STXBP5L: variants seen among roughly 807,000 people sequenced by gnomAD.
The protein encoded by STXBP5L is syntaxin-binding protein 5-like.
A neutral mutation model predicts 144.5 loss-of-function variants in STXBP5L; 65 were observed. That is an observed-to-expected ratio of 0.45 (90% CI 0.37 to 0.55). The LOEUF (loss-of-function observed/expected upper bound fraction) is 0.55. Ranked by LOEUF, STXBP5L falls within the 20% of genes least tolerant of loss-of-function variation. The pLI, the probability that STXBP5L is intolerant of heterozygous loss-of-function variation, is 0.00. For missense variants in STXBP5L, 1,298 were observed against 1,405.5 expected (o/e 0.92, Z 1.22); for synonymous variants, 505 against 469.6 (o/e 1.08, Z -0.97).
At chr3:121,043,638 G>A (rs1393375423) in intron 4 of STXBP5L, among the ~76,000 whole-genome samples, 1 of 152,158 alleles carries the variant, frequency 6.6e-6, no homozygotes, top group Non-Finnish European at 1.5e-5. Context: ...GAACTTGGGA[G>A]GCAGAGGTTG....
At chr3:121,216,083 T>C (rs2048767114) in intron 10 of STXBP5L, among the ~76,000 whole-genome samples, 1 of 152,218 alleles carries the variant, frequency 6.6e-6, no homozygotes, top group Non-Finnish European at 1.5e-5. Context: ...TTCTAGTTAG[T>C]AGTTCCTCTA....
Position 121,422,561 on chromosome 3 carries a change from G to A in STXBP5L, c.*3464G>A, listed in dbSNP as rs2047374002. On this transcript the variant is annotated 3_prime_UTR_variant, in exon 27 of 27. Coordinates refer to ENST00000471454, the MANE Select transcript of STXBP5L (RefSeq NM_001308330.2). ...GGGAGGAATGATTGATTCCTCATTT[G>A]TTTTAATCACCTACAAAAGCAGTAC... The A allele has an allele frequency of 6.6e-6, 1 of 152,084 alleles. No homozygotes were observed. Among genetic ancestry groups the A allele is most frequent in the Non-Finnish European group, 1.5e-5 (1 of 68,022 alleles). The allele number at this position is 152,084 out of a possible 1,614,324, so 9.4% of individuals were successfully genotyped here. A position where few individuals can be genotyped will look rare whatever the true frequency, so the allele number is the denominator to read the frequency against.
At chr3:121,307,125 A>G (rs1016603078) in intron 19 of STXBP5L, among the ~76,000 whole-genome samples, 2 of 152,298 alleles carry the variant, frequency 1.3e-5, no homozygotes, top group Admixed American at 6.5e-5. Context: ...CCTCATGAAA[A>G]TAGTCTAGCC....
intron 9 of STXBP5L, among the ~76,000 whole-genome samples, chr3:121,192,993 G>T (rs981889618): frequency 6.8e-6 from 1 of 146,700 alleles, no homozygotes; most frequent in Non-Finnish European, 1.5e-5. Flanking sequence ...AAACTAAAGA[G>T]CTTCTGCACA....
At chr3:121,137,083 G>A (rs2045290113) in intron 7 of STXBP5L, among the ~76,000 whole-genome samples, 1 of 152,154 alleles carries the variant, frequency 6.6e-6, no homozygotes, top group African/African-American at 2.4e-5. Flanking sequence ...TTTTAGGGTG[G>A]AGGGTGGGAG....
chr3:120,958,591 T>G lies in STXBP5L; in HGVS notation c.287+3554T>G, dbSNP rs1173305727. ...GGGCTTCATCCCTGGGATGCAAGTC[T>G]GGTTCAACATATGCAAATCAATAAA... is the stretch of plus-strand genomic sequence containing the variant. On this transcript the variant is annotated intron_variant, in intron 3 of 26. Coordinates refer to ENST00000471454, the MANE Select transcript of STXBP5L (RefSeq NM_001308330.2). Among the ~76,000 whole-genome samples, 8 of 152,372 alleles carry G rather than the reference T, an allele frequency of 5.3e-5. No individual in the cohort carries two copies. The South Asian group carries it at 1.7e-3, about 32-fold the overall frequency.
intron 3 of STXBP5L, among the ~76,000 whole-genome samples, chr3:120,964,678 G>C (rs1455120209): frequency 6.6e-6 from 1 of 152,156 alleles, no homozygotes; most frequent in Non-Finnish European, 1.5e-5. Flanking sequence ...GCTGAGGAGT[G>C]CTTTAGTTCC....
chr3:121,308,369 C>T (rs1301783530), intron 19 of STXBP5L, among the ~76,000 whole-genome samples: 4 of 152,148 alleles, frequency 2.6e-5, no homozygotes, highest in African/African-American at 9.7e-5. Flanking sequence ...TTATTACTAG[C>T]AGAGCCACCT....
chr3:121,087,490 G>A lies in STXBP5L; in HGVS notation c.471-27435G>A, dbSNP rs534048566. The stretch of plus-strand genomic sequence containing the variant: ...TTTTCATTATCTAACATAATATAGT[G>A]TCTTCTTTCTAGTGATTCATGTTTG... On this transcript the variant is annotated intron_variant, in intron 5 of 26. Transcript: ENST00000471454. Among the ~76,000 whole-genome samples the A allele has an allele frequency of 2.0e-5, 3 of 151,970 alleles. No individual in the cohort carries two copies. The South Asian group carries it at 6.2e-4, about 32-fold the overall frequency.
chr3:121,270,232 CTTT>C (rs34309576), intron 18 of STXBP5L, among the ~76,000 whole-genome samples: 57 of 137,272 alleles, frequency 4.2e-4, no homozygotes, highest in Admixed American at 8.8e-4. Context: ...AGAAGAAGAG[CTTT>C]TTTTTTTTTT....
intron 19 of STXBP5L, among the ~76,000 whole-genome samples, chr3:121,292,249 A>G (rs1276638734): frequency 6.6e-6 from 1 of 152,176 alleles, no homozygotes; most frequent in African/African-American, 2.4e-5. Flanking sequence ...TGAATAGACA[A>G]TTCTCAAAGG....
chr3:121,302,558 A>C (rs1252526724), intron 19 of STXBP5L, among the ~76,000 whole-genome samples: 2 of 151,762 alleles, frequency 1.3e-5, no homozygotes, highest in African/African-American at 4.8e-5. Context: ...TTCTGCTCTG[A>C]TCTTAGTTAT....
At chr3:121,257,360 C>G (rs2050241305) in intron 17 of STXBP5L, 27 bp downstream of exon 17, 2 of 1,568,324 alleles carry the variant, frequency 1.3e-6, no homozygotes, top group Non-Finnish European at 1.7e-6. Flanking sequence ...AATTTTCAAA[C>G]AATTTTAGAT....
chr3:121,165,190 G>C (rs2046457637), intron 9 of STXBP5L, among the ~76,000 whole-genome samples: 1 of 152,040 alleles, frequency 6.6e-6, no homozygotes, highest in Non-Finnish European at 1.5e-5. Flanking sequence ...TTCGGCTGTA[G>C]GTAAGGTTAA....
Position 121,152,508 on chromosome 3 carries a change from T to C in STXBP5L, c.701T>C (p.Val234Ala). 6.2e-7 allele frequency: 1 copy of C among 1,609,656 alleles called. No individual in the cohort carries two copies. Among genetic ancestry groups the C allele is most frequent in the Non-Finnish European group, 8.5e-7 (1 of 1,178,010 alleles). Residue 234 changes from valine (V) to alanine (A), a missense_variant, in exon 8 of 27, where the codon GTA becomes GCA. Coordinates refer to ENST00000471454, the MANE Select transcript of STXBP5L (RefSeq NM_001308330.2). ...ATAGGTTATGAAAATGGTACTGTAG[T>C]ATTCTGGGACTTGAAATCTAAAAGA... ...LLIGYENGTV[V>A]FWDLKSKRAE... is the part of the protein sequence containing the mutation.
intron 19 of STXBP5L, among the ~76,000 whole-genome samples, chr3:121,313,189 G>A (rs1277014840): frequency 6.1e-4 from 84 of 138,214 alleles, no homozygotes; most frequent in Non-Finnish European, 8.3e-4. Flanking sequence ...CTCACCTCCC[G>A]GACGGGGCGG....
intron 20 of STXBP5L, among the ~76,000 whole-genome samples, chr3:121,321,498 T>C (rs1461298485): frequency 1.3e-5 from 2 of 152,308 alleles, no homozygotes; most frequent in East Asian, 3.9e-4. Context: ...TAGCCACACA[T>C]ACACCTAAAA....
chr3:121,148,868 G>A (rs1232291114), intron 7 of STXBP5L, among the ~76,000 whole-genome samples: 1 of 152,020 alleles, frequency 6.6e-6, no homozygotes, highest in Non-Finnish European at 1.5e-5. Flanking sequence ...TTAATTTGTG[G>A]TAGTGCCATA....
At chr3:121,336,859 A>G (rs968844360) in intron 20 of STXBP5L, among the ~76,000 whole-genome samples, 2 of 152,226 alleles carry the variant, frequency 1.3e-5, no homozygotes, top group Non-Finnish European at 2.9e-5. Flanking sequence ...CTAAATGCCC[A>G]TCAATGGCAG....
Sources: gnomAD v4.1 joint callset for allele counts (sites outside exome capture counted in the v4.1 genomes callset) on GRCh38, gnomAD v4.1.1 for gene constraint, MANE v1.5 for transcripts, NCBI Gene and HGNC (gene_info 2026-07-23, HGNC 2026-07-21) for gene names.